Variants in ARL6IP6 observed in about 807,000 individuals in gnomAD.
ARL6IP6 encodes ARF like GTPase 6 interacting protein 6, also known as ADP-ribosylation factor-like protein 6-interacting protein 6.
A neutral mutation model predicts 21.5 loss-of-function variants in ARL6IP6; 22 were observed. The observed-to-expected ratio is 1.02, with a 90% CI of 0.73 to 1.46. ARL6IP6 has a LOEUF of 1.46. Ranked by LOEUF, ARL6IP6 falls within the 40% of genes most tolerant of loss-of-function variation. The pLI, the probability that ARL6IP6 is intolerant of heterozygous loss-of-function variation, is 0.00. For synonymous variants in ARL6IP6, 164 were observed against 125.3 expected, an observed-to-expected ratio of 1.31 and a Z score of -2.06; for missense variants, 388 against 299.8, an observed-to-expected ratio of 1.29 and a Z score of -2.17.
rs529092409 is a variant in ARL6IP6, at chr2:152,718,623, C to T, written c.-2C>T. On this transcript the variant is annotated 5_prime_UTR_variant, in exon 1 of 4. Transcript: ENST00000326446. ...TCCGCGGGTTTCGTTGTGTTTCGCG[C>T]CATGTCGTTTGCTGAGAGCGGGTGG... 9.9e-6 allele frequency: 15 copies of T among 1,519,138 alleles called. No homozygotes were observed. In the Admixed American group the frequency reaches 1.9e-4, roughly 20 times the overall value. 94.1% of individuals were successfully genotyped at this position (1,519,138 alleles called of 1,614,324 possible).
rs1701790320 is a variant in ARL6IP6 at position 152,760,488 on chromosome 2, T to C, written c.*648T>C. On this transcript the variant is annotated 3_prime_UTR_variant, in exon 4 of 4. Coordinates refer to ENST00000326446, the MANE Select transcript of ARL6IP6 (RefSeq NM_152522.7). Reference sequence around the variant, plus strand: ...TCTAGACAACTGTAAACATTATTTTTTTAGCTAGTGCAAACCTAGTACCTG... The same window carrying C: ...TCTAGACAACTGTAAACATTATTTTCTTAGCTAGTGCAAACCTAGTACCTG... 6.6e-6 allele frequency: 1 copy of C among 152,036 alleles called. No homozygotes were observed. The highest frequency in any genetic ancestry group is 6.6e-5 in the Admixed American group (1 of 15,254). The allele number at this position is 152,036 out of a possible 1,614,324, so 9.4% of individuals were successfully genotyped here.
At chr2:152,749,542 T>C (rs1032257329) in intron 3 of ARL6IP6, among the ~76,000 whole-genome samples, 10 of 152,316 alleles carry the variant, frequency 6.6e-5, no homozygotes, top group Non-Finnish European at 1.5e-4. Flanking sequence ...CTTTACTATA[T>C]AGCTAAGATG....
chr2:152,751,271 A>G (rs756969827), intron 3 of ARL6IP6, among the ~76,000 whole-genome samples: 17 of 152,232 alleles, frequency 1.1e-4, no homozygotes, highest in Non-Finnish European at 2.4e-4. Context: ...TGATAGTCCC[A>G]TACAATGTGT....
intron 2 of ARL6IP6, among the ~76,000 whole-genome samples, chr2:152,723,243 A>G (rs1699876383): frequency 6.6e-6 from 1 of 152,254 alleles, no homozygotes; most frequent in Non-Finnish European, 1.5e-5. Context: ...ACAATTTGAA[A>G]TATTTAATAA....
At chr2:152,742,567 CT>C (rs1206005981) in intron 3 of ARL6IP6, among the ~76,000 whole-genome samples, 1 of 108,002 alleles carries the variant, frequency 9.3e-6, no homozygotes, top group Non-Finnish European at 1.9e-5. Flanking sequence ...AAGATACGCT[CT>C]TTAAAAAAAA....
chr2:152,724,639 G>A (rs181616059), intron 2 of ARL6IP6, among the ~76,000 whole-genome samples: 2 of 152,290 alleles, frequency 1.3e-5, no homozygotes, highest in East Asian at 3.9e-4. Flanking sequence ...ACATTGTGTG[G>A]TACTCTGTAG....
At chr2:152,735,274 C>T (rs952356880) in intron 3 of ARL6IP6, 148 bp downstream of exon 3, 1 of 731,022 alleles carries the variant, frequency 1.4e-6, no homozygotes, top group African/African-American at 1.8e-5. Context: ...AGCTTGTAGG[C>T]TCAGCCTTTA....
chr2:152,725,696 T>C lies in ARL6IP6; in HGVS notation c.454+5110T>C, dbSNP rs80205528. On this transcript the variant is annotated intron_variant, in intron 2 of 3. Transcript: ENST00000326446. ...ATGACAAGCTGTAACCAATTTGAGA[T>C]GTATCTGAAATCTGGAAGTGGTATT... is the stretch of plus-strand genomic sequence containing the variant. Among the ~76,000 whole-genome samples the C allele has an allele frequency of 7.5e-4, 114 of 151,996 alleles. 1 individual carries two copies. In the East Asian group the frequency reaches 0.02, roughly 26 times the overall value.
At chr2:152,748,111 AAAGT>A (rs1701144091) in intron 3 of ARL6IP6, among the ~76,000 whole-genome samples, 1 of 152,196 alleles carries the variant, frequency 6.6e-6, no homozygotes, top group Non-Finnish European at 1.5e-5. Context: ...TTTAGAGTAA[AAAGT>A]AAGAGGCAAA....
At chr2:152,730,892 T>A (rs1454949211) in intron 2 of ARL6IP6, among the ~76,000 whole-genome samples, 1 of 152,198 alleles carries the variant, frequency 6.6e-6, no homozygotes, top group Non-Finnish European at 1.5e-5. Flanking sequence ...GATGCTTTTG[T>A]CAGGAAGCCC....
intron 3 of ARL6IP6, among the ~76,000 whole-genome samples, chr2:152,740,665 A>G (rs1467081480): frequency 6.6e-6 from 1 of 151,988 alleles, no homozygotes; most frequent in Non-Finnish European, 1.5e-5. Flanking sequence ...AATAATGCAT[A>G]TATATATTAT....
At chr2:152,717,866 G>T, upstream of ARL6IP6, 2 of 1,081,438 alleles carry the variant, frequency 1.8e-6, no homozygotes, top group Non-Finnish European at 2.3e-6. Context: ...GGGGGCGGGG[G>T]TAAGCAGCCT....
intron 3 of ARL6IP6, among the ~76,000 whole-genome samples, chr2:152,745,796 C>A (rs953452506): frequency 1.3e-5 from 2 of 152,060 alleles, no homozygotes; most frequent in Admixed American, 6.5e-5. Flanking sequence ...ACAGTGCTGT[C>A]ACTATTAATG....
At chr2:152,737,590 T>C (rs1700608140) in intron 3 of ARL6IP6, among the ~76,000 whole-genome samples, 1 of 152,098 alleles carries the variant, frequency 6.6e-6, no homozygotes. Context: ...ACAATTATGG[T>C]AGAAGGCCAA....
At chr2:152,734,159 G>T (rs1574035103) in intron 2 of ARL6IP6, among the ~76,000 whole-genome samples, 1 of 152,098 alleles carries the variant, frequency 6.6e-6, no homozygotes, top group Non-Finnish European at 1.5e-5. Context: ...TTCCCTTTAT[G>T]CCTCCTATTC....
At chr2:152,751,472 G>A (rs1021197799) in intron 3 of ARL6IP6, among the ~76,000 whole-genome samples, 23 of 152,008 alleles carry the variant, frequency 1.5e-4, no homozygotes, top group South Asian at 8.3e-4. Context: ...TTTTGTATCC[G>A]TTAACTAACC....
intron 3 of ARL6IP6, among the ~76,000 whole-genome samples, chr2:152,758,401 C>A (rs1701683534): frequency 6.6e-6 from 1 of 151,554 alleles, no homozygotes; most frequent in African/African-American, 2.4e-5. Context: ...TTTTTTGGAT[C>A]GTCACTAAAT....
intron 3 of ARL6IP6, among the ~76,000 whole-genome samples, chr2:152,752,530 G>A (rs1301686300): frequency 1.3e-5 from 2 of 152,220 alleles, no homozygotes; most frequent in Admixed American, 6.5e-5. Context: ...AGCGACAGCA[G>A]GGATTTATTA....
intron 1 of ARL6IP6, chr2:152,719,750 G>GAAAAAAAAAAAA: frequency 2.0e-5 from 5 of 251,228 alleles, no homozygotes; most frequent in East Asian, 1.2e-4. Context: ...CCAAGTTACT[G>GAAAAAAAAAAAA]AAAAAAAAAA....
Sources: allele counts gnomAD v4.1 joint callset (sites outside exome capture counted in the v4.1 genomes callset), GRCh38; gene constraint gnomAD v4.1.1; transcripts MANE v1.5; gene names NCBI Gene and HGNC (gene_info 2026-07-23, HGNC 2026-07-21).